The following POM121 variants were observed in gnomAD, a reference collection of about 807,000 sequenced individuals.
POM121 encodes nuclear envelope pore membrane protein POM 121.
A neutral mutation model predicts 81.3 loss-of-function variants in POM121; 32 were observed. The ratio of observed to expected loss-of-function variants is 0.39; its 90% CI spans 0.30 to 0.53. The LOEUF (loss-of-function observed/expected upper bound fraction) is 0.53. Among genes scored for constraint, POM121 ranks in the 20% least tolerant of loss-of-function variants. The pLI, the probability that POM121 is intolerant of heterozygous loss-of-function variation, is 0.66. For missense variants in POM121, 1,138 were observed against 1,614.6 expected (o/e 0.70, Z 5.06); for synonymous variants, 514 against 694.2 (o/e 0.74, Z 4.08).
rs534441579 is a variant in POM121, at chr7:72,941,011, C to A, written c.1843+18C>A. On this transcript the variant is annotated intron_variant, in intron 10 of 12. Transcript: ENST00000434423. ...CTGCCCAGGTGAGCTGGAGTGGGGC[C>A]GTGGATCCAGCCTTCTGAGCAGCAT... 11 of 1,608,018 alleles carry A rather than the reference C, an allele frequency of 6.8e-6. No individual in the cohort carries two copies. The highest frequency in any genetic ancestry group is 1.7e-5 in the Admixed American group (1 of 58,276).
At chr7:72,889,289 T>C (rs1390167340) in intron 1 of POM121, among the ~76,000 whole-genome samples, 2 of 152,260 alleles carry the variant, frequency 1.3e-5, no homozygotes, top group Non-Finnish European at 2.9e-5. Context: ...GCTCTGCCTC[T>C]GCTATCTCTT....
chr7:72,939,602 A>G (rs1429352884), intron 7 of POM121, among the ~76,000 whole-genome samples, 193 bp downstream of exon 7: 1 of 152,220 alleles, frequency 6.6e-6, no homozygotes, highest in Admixed American at 6.5e-5. Context: ...GACAGGGACT[A>G]ACGATTGGAT....
chr7:72,941,232 G>A (rs1554500941), intron 10 of POM121, among the ~76,000 whole-genome samples: 2 of 151,918 alleles, frequency 1.3e-5, no homozygotes, highest in African/African-American at 2.4e-5. Context: ...CCTGAGCCTC[G>A]CCTTCCTCAT....
chr7:72,939,372 T>G lies in POM121; in HGVS notation c.1404T>G (p.Thr468=), dbSNP rs1563166084. The change falls in exon 7 of 13, where the codon ACT becomes ACG. Residue 468 remains threonine, a synonymous_variant. Transcript: ENST00000434423. Reference sequence around the variant, plus strand: ...TGTGTCATCATTCCAGTTCTTCAACTCCATTGGCAGCAGACAGGGAGTCCC... The same window carrying G: ...TGTGTCATCATTCCAGTTCTTCAACGCCATTGGCAGCAGACAGGGAGTCCC... The part of the protein sequence containing the change: ...EELCHHSSSS[T]PLAADRESQG... 1.2e-6 allele frequency: 2 copies of G among 1,613,898 alleles called. No homozygotes were observed. The highest frequency in any genetic ancestry group is 1.7e-6 in the Non-Finnish European group (2 of 1,179,842).
At position 72,890,664 on chromosome 7, in the gene POM121, C is replaced by G. The variant is rs1370527551; in HGVS notation, c.-483C>G. 5 of 1,601,432 alleles carry G rather than the reference C, an allele frequency of 3.1e-6. No individual in the cohort carries two copies. In the African/African-American group the frequency reaches 5.4e-5, roughly 17 times the overall value. ...TTCAAAGATGTGGCTGTGGATTTCA[C>G]CCAGGAGGAGTGGTGGCAACTGGAC... On this transcript the variant is annotated 5_prime_UTR_variant, in exon 2 of 16. Coordinates refer to the POM121 transcript ENST00000395270.
intron 3 of POM121, among the ~76,000 whole-genome samples, chr7:72,901,217 TC>T (rs1368184415): frequency 1.3e-5 from 2 of 151,544 alleles, no homozygotes; most frequent in Non-Finnish European, 2.9e-5. Flanking sequence ...TTTCTTTTTT[TC>T]TTTTTTTTTT....
downstream of POM121, chr7:72,948,935 C>G (rs782400129): frequency 1.2e-6 from 2 of 1,612,656 alleles, no homozygotes; most frequent in Admixed American, 3.3e-5. Flanking sequence ...TGTACCATGT[C>G]TTCATTCTCC....
At chr7:72,946,009 G>A in intron 12 of POM121, 128 bp from the exon 13 acceptor site, 1 of 1,452,652 alleles carries the variant, frequency 6.9e-7, no homozygotes, top group East Asian at 2.5e-5. Context: ...TGTTTCTGAT[G>A]CAGCGGGGAA....
intron 3 of POM121, among the ~76,000 whole-genome samples, chr7:72,896,073 A>T (rs181445842): frequency 6.6e-6 from 1 of 151,966 alleles, no homozygotes; most frequent in Non-Finnish European, 1.5e-5. Context: ...AGGGGAGAGT[A>T]AGGGGAAGAA....
chr7:72,901,826 A>G (rs545779470), intron 3 of POM121, among the ~76,000 whole-genome samples: 1 of 150,888 alleles, frequency 6.6e-6, no homozygotes. Context: ...AAAGCATACA[A>G]TTCAGGCTGG....
intron 12 of POM121, 58 bp downstream of exon 12, chr7:72,945,766 G>C: frequency 6.4e-7 from 1 of 1,564,140 alleles, no homozygotes; most frequent in Non-Finnish European, 8.7e-7. Context: ...GTTGGGCGGG[G>C]TGGCAGGTTC....
intron 3 of POM121, among the ~76,000 whole-genome samples, chr7:72,899,575 ATTT>A (rs10709124): frequency 2.5e-5 from 3 of 121,448 alleles, no homozygotes; most frequent in Admixed American, 8.8e-5. Flanking sequence ...TTGATATTAC[ATTT>A]TTTTTTTTTT....
chr7:72,891,039 T>G, exon 3 of POM121: 1 of 801,214 alleles, frequency 1.2e-6, no homozygotes, highest in East Asian at 2.4e-5. Flanking sequence ...AAGCCAAACG[T>G]CATCATTAAG....
intron 4 of POM121, among the ~76,000 whole-genome samples, chr7:72,919,096 G>A (rs1794562689): frequency 6.6e-6 from 1 of 151,946 alleles, no homozygotes. Context: ...AGTAGAGGTG[G>A]GGTTTCACCA....
At chr7:72,926,606 A>G in intron 2 of POM121, 129 bp downstream of exon 2, 3 of 1,503,498 alleles carry the variant, frequency 2.0e-6, no homozygotes, top group Non-Finnish European at 2.7e-6. Flanking sequence ...GAAATACCAA[A>G]TTCTAGTAAA....
At chr7:72,931,195 T>A (rs1334016812) in intron 5 of POM121, among the ~76,000 whole-genome samples, 1 of 152,218 alleles carries the variant, frequency 6.6e-6, no homozygotes, top group East Asian at 1.9e-4. Context: ...ATTTTTGATA[T>A]GCAAACTTTT....
downstream of POM121, chr7:72,949,329 A>T (rs1554504261): frequency 1.2e-6 from 1 of 804,394 alleles, no homozygotes; most frequent in Non-Finnish European, 2.3e-6. Context: ...CACTGCAGGA[A>T]GGATCCAGCA....
intron 4 of POM121, among the ~76,000 whole-genome samples, chr7:72,914,336 T>C (rs1241491906): frequency 6.6e-6 from 1 of 152,214 alleles, no homozygotes; most frequent in Non-Finnish European, 1.5e-5. Flanking sequence ...AGGCCCCACA[T>C]GTCGTGGACC....
upstream of POM121, among the ~76,000 whole-genome samples, chr7:72,924,051 T>C (rs1372352445): frequency 6.6e-6 from 1 of 151,564 alleles, no homozygotes; most frequent in Non-Finnish European, 1.5e-5. Context: ...GTTCACGCCA[T>C]TCTCCTGCCT....
Sources: allele counts gnomAD v4.1 joint callset (sites outside exome capture counted in the v4.1 genomes callset), GRCh38; gene constraint gnomAD v4.1.1; transcripts MANE v1.5; gene names NCBI Gene and HGNC (gene_info 2026-07-23, HGNC 2026-07-21).